Variants in WDR19 observed in about 807,000 individuals in gnomAD.
The protein encoded by WDR19 is WD repeat domain 19.
A neutral mutation model predicts 180.0 loss-of-function variants in WDR19; 121 were observed. The ratio of observed to expected loss-of-function variants is 0.67; its 90% CI spans 0.58 to 0.78. WDR19 has a LOEUF of 0.78. Ranked by LOEUF, WDR19 falls within the 30% of genes least tolerant of loss-of-function variation. The pLI, the probability that WDR19 is intolerant of heterozygous loss-of-function variation, is 0.00. For missense variants in WDR19, 1,450 were observed against 1,640.7 expected (o/e 0.88, Z 2.01); for synonymous variants, 497 against 540.7 (o/e 0.92, Z 1.12).
chr4:39,253,937 G>A lies in WDR19; in HGVS notation c.2908G>A (p.Ala970Thr), dbSNP rs1733506402. The part of the protein sequence containing the change: ...FFLQLGDYGS[A>T]IQFLVMSKCN... ...TCTACAGCTTGGTGACTATGGGTCT[G>A]CCATCCAGTTTCTTGTCATGTCCAA... The change falls in exon 26 of 37, where the codon GCC becomes ACC. Residue 970 changes from alanine (A) to threonine (T), a missense_variant. Physicochemically the swap from Ala to Thr is moderately conservative, Grantham distance 58 (BLOSUM62 0). Transcript: ENST00000399820. 2 of 1,608,920 alleles carry A rather than the reference G, an allele frequency of 1.2e-6. No homozygotes were observed. The highest frequency in any genetic ancestry group is 1.7e-6 in the Non-Finnish European group (2 of 1,176,644).
intron 14 of WDR19, among the ~76,000 whole-genome samples, chr4:39,221,847 T>C (rs1450280569): frequency 6.6e-6 from 1 of 152,240 alleles, no homozygotes; most frequent in Non-Finnish European, 1.5e-5. Context: ...GTGTCAGTAA[T>C]TCATTTCTTT....
chr4:39,214,366 C>T (rs1056738774), intron 9 of WDR19, among the ~76,000 whole-genome samples: 27 of 152,032 alleles, frequency 1.8e-4, no homozygotes, highest in African/African-American at 5.3e-4. Flanking sequence ...CAACCCTACC[C>T]GCCCCCCATC....
At chr4:39,217,332 TG>T in intron 13 of WDR19, 92 bp downstream of exon 13, 1 of 1,049,338 alleles carries the variant, frequency 9.5e-7, no homozygotes. Context: ...GAAGCAAGGA[TG>T]TACAGACTAA....
chr4:39,183,524 CAGGCGTGAGCCA>C (rs1296082669), intron 1 of WDR19, among the ~76,000 whole-genome samples: 1 of 152,134 alleles, frequency 6.6e-6, no homozygotes, highest in African/African-American at 2.4e-5. Context: ...GCTGAGATTA[CAGGCGTGAGCCA>C]CCGCGCCCGG....
intron 3 of WDR19, 98 bp downstream of exon 3, chr4:39,186,702 G>C (rs1725594700): frequency 1.2e-6 from 1 of 811,002 alleles, no homozygotes; most frequent in Non-Finnish European, 1.8e-6. Flanking sequence ...GGAATCTTTT[G>C]CTTCTTCCAT....
At chr4:39,199,621 A>G in intron 6 of WDR19, 28 bp downstream of exon 6, 1 of 1,553,514 alleles carries the variant, frequency 6.4e-7, no homozygotes, top group Non-Finnish European at 8.8e-7. Flanking sequence ...CTTTGGTCTG[A>G]TATATTCAAG....
At chr4:39,250,622 C>T (rs1011287950) in intron 24 of WDR19, among the ~76,000 whole-genome samples, 1 of 152,116 alleles carries the variant, frequency 6.6e-6, no homozygotes, top group African/African-American at 2.4e-5. Context: ...CGTCTCAGCC[C>T]GAAATCTCCT....
chr4:39,237,304 A>T (rs893132848), intron 20 of WDR19, among the ~76,000 whole-genome samples: 1 of 152,160 alleles, frequency 6.6e-6, no homozygotes, highest in Non-Finnish European at 1.5e-5. Flanking sequence ...CATGCCTGTA[A>T]TCTTAGCACT....
At chr4:39,216,334 A>T in intron 12 of WDR19, 124 bp downstream of exon 12, 1 of 801,348 alleles carries the variant, frequency 1.2e-6, no homozygotes, top group South Asian at 1.9e-5. Context: ...TCTCATTCTT[A>T]GCTTAAATGG....
chr4:39,193,020 A>G (rs1163113290), intron 4 of WDR19, among the ~76,000 whole-genome samples: 1 of 152,212 alleles, frequency 6.6e-6, no homozygotes, highest in Non-Finnish European at 1.5e-5. Flanking sequence ...GAGGCACATT[A>G]TTGCGGCTAC....
At chr4:39,246,470 C>T (rs1047725998) in intron 24 of WDR19, among the ~76,000 whole-genome samples, 13 of 152,188 alleles carry the variant, frequency 8.5e-5, no homozygotes, top group African/African-American at 2.4e-4. Flanking sequence ...ACTGAGGTAC[C>T]GGGTTCATCT....
chr4:39,241,343 A>C (rs1364399686), intron 21 of WDR19, among the ~76,000 whole-genome samples: 2 of 152,138 alleles, frequency 1.3e-5, no homozygotes, highest in Non-Finnish European at 2.9e-5. Context: ...AAATACAAAA[A>C]TTAGCCAGCC....
At chr4:39,219,401 G>A (rs1013861989) in intron 14 of WDR19, among the ~76,000 whole-genome samples, 11 of 152,098 alleles carry the variant, frequency 7.2e-5, no homozygotes, top group Admixed American at 2.6e-4. Flanking sequence ...ATAGTCCATC[G>A]CCAACCGAAA....
In WDR19 at chr4:39,216,134, C is replaced by A; in HGVS notation, c.1173C>A (p.Asn391Lys). 6.3e-7 allele frequency: 1 copy of A among 1,594,374 alleles called. No homozygotes were observed. The highest frequency in any genetic ancestry group is 8.5e-7 in the Non-Finnish European group (1 of 1,170,004). ...CAGTTTCTGTTGATGTGGAACCCAA[C>A]TTTGTGGCAGTAGGTCTTTATCATC... ...PITVSVDVEP[N>K]FVAVGLYHLA... is the part of the protein sequence containing the mutation. The change falls in exon 12 of 37, where the codon AAC (asparagine) becomes AAA (lysine). Residue 391 changes from asparagine to lysine, a missense_variant. By Grantham distance (94) the Asn-to-Lys change is moderately conservative. Coordinates refer to ENST00000399820, the MANE Select transcript of WDR19 (RefSeq NM_025132.4).
At chr4:39,202,827 C>G (rs1560487469) in intron 6 of WDR19, among the ~76,000 whole-genome samples, 1 of 151,582 alleles carries the variant, frequency 6.6e-6, no homozygotes, top group Non-Finnish European at 1.5e-5. Context: ...CTGCTAACTC[C>G]TTCTCTTGAT....
At chr4:39,231,611 A>G (rs1730868832) in intron 17 of WDR19, among the ~76,000 whole-genome samples, 186 bp from the exon 18 acceptor site, 1 of 152,210 alleles carries the variant, frequency 6.6e-6, no homozygotes, top group Admixed American at 6.5e-5. Flanking sequence ...TTAGGGAAAA[A>G]CATTTATCTG....
chr4:39,231,317 A>G (rs1730834151), intron 17 of WDR19, among the ~76,000 whole-genome samples: 1 of 68,128 alleles, frequency 1.5e-5, no homozygotes, highest in Admixed American at 1.3e-4. Context: ...TCCGTCTTCA[A>G]AAAAAAAAAA....
rs150860929 is a variant in WDR19 at position 39,182,543 on chromosome 4, G to A, written c.-15G>A. 6.2e-7 allele frequency: 1 copy of A among 1,613,648 alleles called. No homozygotes were observed. Among genetic ancestry groups the A allele is most frequent in the Non-Finnish European group, 8.5e-7 (1 of 1,179,858 alleles). On this transcript the variant is annotated 5_prime_UTR_variant, in exon 1 of 37. Transcript: ENST00000399820. ...CTGCGTACTTCATAGTTCGCGTAGC[G>A]GCTCGAGCGTGGAGATGAAGGTAAA...
intron 28 of WDR19, among the ~76,000 whole-genome samples, chr4:39,264,845 G>A (rs1018540500): frequency 1.3e-5 from 2 of 151,204 alleles, no homozygotes; most frequent in African/African-American, 4.9e-5. Context: ...TGCCCATCCT[G>A]CAATGTGGTA....
Sources: allele counts gnomAD v4.1 joint callset (sites outside exome capture counted in the v4.1 genomes callset), GRCh38; gene constraint gnomAD v4.1.1; transcripts MANE v1.5; gene names NCBI Gene and HGNC (gene_info 2026-07-23, HGNC 2026-07-21).